MACROD2: variants seen among roughly 807,000 people sequenced by gnomAD.
MACROD2 encodes the protein mono-ADP ribosylhydrolase 2.
MACROD2 carries 36 observed loss-of-function variants against 70.4 expected under a neutral mutation model. The observed-to-expected ratio is 0.51, with a 90% CI of 0.39 to 0.68. The LOEUF (loss-of-function observed/expected upper bound fraction) is 0.68, where lower values mean the gene tolerates loss of function less well. MACROD2 is among the 30% of genes least tolerant of loss of function. The pLI is 0.00. For missense variants in MACROD2, 496 were observed against 538.4 expected, an observed-to-expected ratio of 0.92 and a Z score of 0.78; for synonymous variants, 172 against 178.8, an observed-to-expected ratio of 0.96 and a Z score of 0.30.
chr20:15,949,919 G>A (rs1302560350), intron 12 of MACROD2, among the ~76,000 whole-genome samples: 1 of 152,112 alleles, frequency 6.6e-6, no homozygotes, highest in Admixed American at 6.6e-5. Flanking sequence ...AGTCTTTTCT[G>A]TCTACAAATT....
At chr20:15,045,719 GTTTTTTT>G (rs71335981) in intron 5 of MACROD2, among the ~76,000 whole-genome samples, 1 of 73,382 alleles carries the variant, frequency 1.4e-5, no homozygotes, top group Non-Finnish European at 2.5e-5. Context: ...CCAGACCAGG[GTTTTTTT>G]TTTTTTTTTT....
intron 5 of MACROD2, among the ~76,000 whole-genome samples, chr20:14,700,616 C>T (rs571284035): frequency 6.2e-4 from 94 of 151,596 alleles, no homozygotes; most frequent in African/African-American, 2.2e-3. Flanking sequence ...AAAAGAGATT[C>T]GTGATGAGTG....
chr20:15,635,591 G>C (rs2049351016), intron 8 of MACROD2, among the ~76,000 whole-genome samples: 1 of 152,086 alleles, frequency 6.6e-6, no homozygotes, highest in African/African-American at 2.4e-5. Context: ...ACTAGAGGGT[G>C]GGTGGAGGGA....
intron 4 of MACROD2, among the ~76,000 whole-genome samples, chr20:14,624,299 T>C (rs1021189546): frequency 2.0e-5 from 3 of 152,162 alleles, no homozygotes; most frequent in African/African-American, 7.2e-5. Flanking sequence ...CAAGCCTCTT[T>C]GGGTTCTGGA....
intron 7 of MACROD2, among the ~76,000 whole-genome samples, chr20:15,469,931 G>T (rs1392686315): frequency 6.6e-6 from 1 of 152,122 alleles, no homozygotes; most frequent in Non-Finnish European, 1.5e-5. Context: ...TAAGCAATTT[G>T]CTCTAGGCCT....
At chr20:14,432,565 T>C (rs35577212) in intron 3 of MACROD2, among the ~76,000 whole-genome samples, 23,618 of 152,110 alleles carry the variant, frequency 0.16, 2,606 homozygotes, top group Non-Finnish European at 0.23. Flanking sequence ...ATTGTTATTT[T>C]AGAGCCCACT....
chr20:15,337,361 C>T (rs981104047), intron 6 of MACROD2, among the ~76,000 whole-genome samples: 1 of 151,626 alleles, frequency 6.6e-6, no homozygotes, highest in African/African-American at 2.4e-5. Flanking sequence ...GGAAAGACTT[C>T]TTGACATTTA....
intron 8 of MACROD2, among the ~76,000 whole-genome samples, chr20:15,503,085 A>G (rs1350354545): frequency 2.0e-5 from 3 of 152,202 alleles, no homozygotes; most frequent in Non-Finnish European, 4.4e-5. Flanking sequence ...AGCAAACTGA[A>G]TATTGACAAA....
chr20:14,121,764 T>C (rs2148692817), intron 3 of MACROD2, among the ~76,000 whole-genome samples: 1 of 152,338 alleles, frequency 6.6e-6, no homozygotes, highest in Middle Eastern at 3.4e-3. Context: ...TGCTTTTCTA[T>C]TGATCTCCTT....
At chr20:15,390,983 G>A (rs2045785154) in intron 6 of MACROD2, among the ~76,000 whole-genome samples, 1 of 152,198 alleles carries the variant, frequency 6.6e-6, no homozygotes, top group Non-Finnish European at 1.5e-5. Context: ...GTGTCTGTGT[G>A]TGGATCCAAA....
In MACROD2 at chr20:15,363,343, G is replaced by A. The variant is rs960191909; in HGVS notation, c.541-68062G>A. Among the ~76,000 whole-genome samples, 4 of 152,192 alleles carry A rather than the reference G, an allele frequency of 2.6e-5. No individual in the cohort carries two copies. The South Asian group carries it at 8.3e-4, about 31-fold the overall frequency. On this transcript the variant is annotated intron_variant, in intron 6 of 17. Coordinates refer to ENST00000684519, the MANE Select transcript of MACROD2 (RefSeq NM_001351661.2). ...ATAGACAAGAGTAGAGTAAAAGCAA[G>A]ATGAACAATGAGGGTGAAATAGTAT... is the stretch of plus-strand genomic sequence containing the variant.
At chr20:14,312,032 T>A (rs1307275432) in intron 3 of MACROD2, among the ~76,000 whole-genome samples, 1 of 152,176 alleles carries the variant, frequency 6.6e-6, no homozygotes, top group Non-Finnish European at 1.5e-5. Flanking sequence ...TTTTCAAAAT[T>A]CTCATTTTCA....
intron 8 of MACROD2, among the ~76,000 whole-genome samples, chr20:15,839,241 A>C (rs1405146373): frequency 6.6e-6 from 1 of 152,156 alleles, no homozygotes; most frequent in Admixed American, 6.6e-5. Context: ...GTGAGCAAGG[A>C]CTATGGACAA....
intron 3 of MACROD2, among the ~76,000 whole-genome samples, chr20:14,114,281 T>C (rs2054488859): frequency 1.3e-5 from 2 of 152,182 alleles, no homozygotes; most frequent in Admixed American, 1.3e-4. Context: ...TAAATGGGCT[T>C]GGCTTAGGAC....
chr20:16,000,082 T>C (rs760254045), intron 15 of MACROD2, among the ~76,000 whole-genome samples: 3 of 152,260 alleles, frequency 2.0e-5, no homozygotes, highest in Non-Finnish European at 4.4e-5. Flanking sequence ...CATATGGGAT[T>C]ATATGAAATA....
chr20:15,549,778 T>G lies in MACROD2; in HGVS notation c.645+49931T>G, dbSNP rs1191807826. Reference sequence around the variant, plus strand: ...ATTACCACTTAGCATATTCCCTGACTGTGGGCATATTCAGTCAGGGAACAT... The same window carrying G: ...ATTACCACTTAGCATATTCCCTGACGGTGGGCATATTCAGTCAGGGAACAT... On this transcript the variant is annotated intron_variant, in intron 8 of 17. Transcript: ENST00000684519. 2.0e-5 allele frequency among the ~76,000 whole-genome samples: 3 copies of G among 152,170 alleles called. No homozygotes were observed. In the East Asian group the frequency reaches 5.8e-4, roughly 29 times the overall value.
intron 4 of MACROD2, among the ~76,000 whole-genome samples, chr20:14,666,456 G>A (rs1346804235): frequency 1.3e-5 from 2 of 152,108 alleles, no homozygotes; most frequent in Non-Finnish European, 2.9e-5. Flanking sequence ...GAGCTCAGTA[G>A]TAAATTGTCC....
intron 8 of MACROD2, among the ~76,000 whole-genome samples, chr20:15,509,600 C>T (rs1001184344): frequency 1.3e-5 from 2 of 152,126 alleles, no homozygotes; most frequent in African/African-American, 2.4e-5. Context: ...GCTCCTCTTC[C>T]GTGCAGCAGG....
At chr20:15,267,494 G>T (rs923067579) in intron 6 of MACROD2, among the ~76,000 whole-genome samples, 2 of 150,372 alleles carry the variant, frequency 1.3e-5, no homozygotes, top group Admixed American at 6.7e-5. Flanking sequence ...CCAGAGTCTG[G>T]CATGCAAGCT....
Sources: gnomAD v4.1 joint callset for allele counts (sites outside exome capture counted in the v4.1 genomes callset) on GRCh38, gnomAD v4.1.1 for gene constraint, MANE v1.5 for transcripts, NCBI Gene and HGNC (gene_info 2026-07-23, HGNC 2026-07-21) for gene names.